The following SYNE2 variants were observed in gnomAD, a reference collection of about 807,000 sequenced individuals.
The protein encoded by SYNE2 is spectrin repeat containing nuclear envelope protein 2, also known as nesprin-2.
SYNE2 carries 431 observed loss-of-function variants against 856.3 expected under a neutral mutation model. The observed-to-expected ratio is 0.50, with a 90% CI of 0.47 to 0.55. The LOEUF is 0.55. SYNE2 is among the 20% of genes least tolerant of loss of function. SYNE2 has a pLI of 0.00. For synonymous variants in SYNE2, 2,923 were observed against 2,872.3 expected, an observed-to-expected ratio of 1.02 and a Z score of -0.56; for missense variants, 8,129 against 8,023.2, an observed-to-expected ratio of 1.01 and a Z score of -0.50.
At chr14:63,925,295 C>G (rs1373677205) in intron 2 of SYNE2, among the ~76,000 whole-genome samples, 2 of 152,154 alleles carry the variant, frequency 1.3e-5, no homozygotes, top group African/African-American at 4.8e-5. Context: ...GCACTCCAGC[C>G]TGGGTGACGA....
At chr14:63,799,648 G>A (rs1888055450) in intron 1 of SYNE2, among the ~76,000 whole-genome samples, 1 of 152,104 alleles carries the variant, frequency 6.6e-6, no homozygotes, top group Non-Finnish European at 1.5e-5. Flanking sequence ...AGCTGGCAGT[G>A]AGCCACTGCA....
Position 64,049,677 on chromosome 14 carries a change from A to C in SYNE2, c.7444A>C (p.Asn2482His). The C allele has an allele frequency of 6.2e-7, 1 of 1,614,196 alleles. No homozygotes were observed. The highest frequency in any genetic ancestry group is 8.5e-7 in the Non-Finnish European group (1 of 1,180,032). ...IKPLEQTECL[N>H]KTETGALVLH... ...GCCACTGGAACAAACAGAATGTCTT[A>C]ACAAAACAGAAACTGGGGCCTTGGT... is the stretch of plus-strand genomic sequence containing the variant. The change falls in exon 47 of 116, where the codon AAC (asparagine) becomes CAC (histidine). Residue 2482 changes from asparagine to histidine, a missense_variant. By Grantham distance (68) the Asn-to-His change is moderately conservative. Coordinates refer to ENST00000555002, the MANE Select transcript of SYNE2 (RefSeq NM_182914.3).
At position 63,811,635 on chromosome 14, in the gene SYNE2, C is replaced by G. The variant is rs1888619094; in HGVS notation, c.-304-40866C>G. 2.0e-5 allele frequency among the ~76,000 whole-genome samples: 3 copies of G among 152,112 alleles called. No homozygotes were observed. In the South Asian group the frequency reaches 6.2e-4, roughly 31 times the overall value. The stretch of plus-strand genomic sequence containing the variant: ...AAGTTGACTATCTGGGGAACTCGCC[C>G]CCAATATTTCAACGTAGGTTCTTTC... On this transcript the variant is annotated intron_variant, in intron 1 of 23. Transcript: ENST00000674003.
At chr14:63,993,700 T>A in intron 21 of SYNE2, 135 bp from the exon 22 acceptor site, 2 of 754,884 alleles carry the variant, frequency 2.6e-6, no homozygotes, top group Non-Finnish European at 4.2e-6. Flanking sequence ...CTCCTATAAA[T>A]CTTCAGATAT....
Position 64,093,373 on chromosome 14 carries a change from T to C in SYNE2, c.12001T>C (p.Trp4001Arg), listed in dbSNP as rs2792205. 117,300 of 1,612,466 alleles carry C rather than the reference T, an allele frequency of 0.073. 5,112 individuals are homozygous for C. Among genetic ancestry groups the C allele is most frequent in the South Asian group, 0.14 (12,523 of 90,996 alleles). The change falls in exon 61 of 116, where the codon TGG becomes CGG. Residue 4001 changes from tryptophan to arginine, a missense_variant. Around this residue, in one of 3 missense-constraint regions of SYNE2, gnomAD observed 5,410 missense variants for 5,284.8 expected, o/e 1.02. Transcript: ENST00000555002. ...LKVVIKQTNE[W>R]DEEIENLKQI... ...GGTAGTCATAAAACAGACCAATGAATGGGATGAAGAAATAGAAAATTTGAA... is the reference window on the plus strand; with the variant it reads ...GGTAGTCATAAAACAGACCAATGAACGGGATGAAGAAATAGAAAATTTGAA...
rs980480043 is a variant in SYNE2 at position 63,965,613 on chromosome 14, G to A, written c.990+1613G>A. 3.3e-5 allele frequency among the ~76,000 whole-genome samples: 5 copies of A among 152,200 alleles called. No homozygotes were observed. The South Asian group carries it at 1.0e-3, about 32-fold the overall frequency. On this transcript the variant is annotated intron_variant, in intron 10 of 115. Coordinates refer to ENST00000555002, the MANE Select transcript of SYNE2 (RefSeq NM_182914.3). ...AGTGCTTTGTCCTGAACAAGCTGCA[G>A]ATACTGTCAGGTACCCCACACAGCA...
intron 12 of SYNE2, among the ~76,000 whole-genome samples, chr14:63,977,694 A>G (rs1436033617): frequency 6.6e-6 from 1 of 152,112 alleles, no homozygotes; most frequent in Non-Finnish European, 1.5e-5. Context: ...CAGGAATTCC[A>G]GGCTGCAGTG....
chr14:64,194,535 G>T (rs536086589), intron 99 of SYNE2, among the ~76,000 whole-genome samples: 9 of 152,234 alleles, frequency 5.9e-5, no homozygotes, highest in South Asian at 2.1e-4. Flanking sequence ...GAGCTCCTGG[G>T]CTCAAGTTAT....
chr14:64,186,961 C>T (rs1283388828), intron 97 of SYNE2, among the ~76,000 whole-genome samples: 1 of 152,244 alleles, frequency 6.6e-6, no homozygotes, highest in Non-Finnish European at 1.5e-5. Flanking sequence ...CTGGGCCTAA[C>T]AGCAGGAGTC....
At chr14:64,037,692 T>A (rs1486814489) in intron 45 of SYNE2, among the ~76,000 whole-genome samples, 1 of 16,794 alleles carries the variant, frequency 6.0e-5, no homozygotes, top group African/African-American at 1.1e-4. Context: ...GGCCCCTCAC[T>A]TCCCAGTAGG....
intron 66 of SYNE2, among the ~76,000 whole-genome samples, chr14:64,117,098 G>A (rs1468448759): frequency 6.6e-6 from 1 of 152,180 alleles, no homozygotes; most frequent in Non-Finnish European, 1.5e-5. Context: ...ACCGTGGATA[G>A]TACCAAACTC....
intron 79 of SYNE2, 152 bp downstream of exon 79, chr14:64,138,135 G>A (rs1050267924): frequency 3.2e-5 from 24 of 740,594 alleles, no homozygotes; most frequent in African/African-American, 2.8e-4. Context: ...TGGGCTAAAC[G>A]CGATGTAGAA....
chr14:63,938,982 G>A (rs2095866903), intron 2 of SYNE2, among the ~76,000 whole-genome samples: 1 of 152,156 alleles, frequency 6.6e-6, no homozygotes, highest in African/African-American at 2.4e-5. Context: ...GCATGTGAGT[G>A]TCTGCATGTG....
chr14:64,063,427 CACAG>C (rs1323231867), intron 50 of SYNE2, among the ~76,000 whole-genome samples: 1 of 152,326 alleles, frequency 6.6e-6, no homozygotes, highest in South Asian at 2.1e-4. Context: ...TAATCAGGTT[CACAG>C]ACAGTCATCC....
At chr14:64,109,896 C>A (rs2097793882) in intron 65 of SYNE2, among the ~76,000 whole-genome samples, 1 of 152,146 alleles carries the variant, frequency 6.6e-6, no homozygotes, top group Non-Finnish European at 1.5e-5. Flanking sequence ...GTGTATTGAC[C>A]AAATGATAAT....
chr14:64,049,595 T>C lies in SYNE2; in HGVS notation c.7378-16T>C. ...AAGTGAGTGTTTATTGACTGATCTG[T>C]GTGACTTATTTTTAGAAATTATATA... On this transcript the variant is annotated splice_polypyrimidine_tract_variant and intron_variant, in intron 46 of 115. Coordinates refer to ENST00000555002, the MANE Select transcript of SYNE2 (RefSeq NM_182914.3). 6.2e-7 allele frequency: 1 copy of C among 1,613,590 alleles called. No homozygotes were observed. The highest frequency in any genetic ancestry group is 1.7e-4 in the Middle Eastern group (1 of 6,058).
chr14:64,021,940 T>C lies in SYNE2; in HGVS notation c.5436T>C (p.Ser1812=), dbSNP rs769080462. 4.3e-6 allele frequency: 7 copies of C among 1,613,942 alleles called. No individual in the cohort carries two copies. The highest frequency in any genetic ancestry group is 5.9e-6 in the Non-Finnish European group (7 of 1,179,906). The change falls in exon 37 of 116, where the codon TCT becomes TCC. Residue 1812 remains serine, a synonymous_variant. Coordinates refer to ENST00000555002, the MANE Select transcript of SYNE2 (RefSeq NM_182914.3). ...NQIGCLTPEL[S]ELKKQYESVS... is the part of the protein sequence containing the mutation. ...TAGGTTGTCTGACTCCTGAACTCTCTGAATTGAAAAAGCAATATGAAAGTG... is the reference window on the plus strand; with the variant it reads ...TAGGTTGTCTGACTCCTGAACTCTCCGAATTGAAAAAGCAATATGAAAGTG...
intron 7 of SYNE2, among the ~76,000 whole-genome samples, chr14:63,953,555 T>G (rs1024440396): frequency 4.6e-5 from 7 of 152,082 alleles, no homozygotes; most frequent in Admixed American, 1.3e-4. Flanking sequence ...GATAGATAGA[T>G]AGATAGATAG....
intron 21 of SYNE2, 142 bp from the exon 22 acceptor site, chr14:63,993,693 C>T (rs763996601): frequency 1.9e-5 from 14 of 724,738 alleles, no homozygotes; most frequent in Admixed American, 2.9e-5. Flanking sequence ...GAGAAGTCTC[C>T]TATAAATCTT....
Sources: allele counts gnomAD v4.1 joint callset (sites outside exome capture counted in the v4.1 genomes callset), GRCh38; gene constraint gnomAD v4.1.1; regional missense constraint gnomAD v4.1.1; transcripts MANE v1.5; gene names NCBI Gene and HGNC (gene_info 2026-07-23, HGNC 2026-07-21).